Variants in MTA3 observed in about 807,000 individuals in gnomAD.
MTA3 encodes metastasis associated 1 family member 3.
Under a neutral mutation model 83.5 loss-of-function variants are expected in MTA3, and 34 were observed. The ratio of observed to expected loss-of-function variants is 0.41; its 90% CI spans 0.31 to 0.54. The LOEUF is 0.54. Ranked by LOEUF, MTA3 falls within the 20% of genes least tolerant of loss-of-function variation. The pLI is 0.33. For missense variants in MTA3, 761 were observed against 726.4 expected, an observed-to-expected ratio of 1.05 and a Z score of -0.55; for synonymous variants, 303 against 252.7, an observed-to-expected ratio of 1.20 and a Z score of -1.89.
At chr2:42,711,974 G>T (rs534643053) in intron 14 of MTA3, among the ~76,000 whole-genome samples, 2 of 152,102 alleles carry the variant, frequency 1.3e-5, no homozygotes, top group East Asian at 3.9e-4. Context: ...TCTAATTAAT[G>T]CATTTTAGAA....
intron 16 of MTA3, among the ~76,000 whole-genome samples, chr2:42,747,548 A>G (rs1348463165): frequency 6.6e-6 from 1 of 151,506 alleles, no homozygotes; most frequent in East Asian, 2.0e-4. Flanking sequence ...CTGTTTTCTG[A>G]GGCCTGCTCT....
intron 2 of MTA3, among the ~76,000 whole-genome samples, chr2:42,544,423 G>A (rs1046265360): frequency 9.3e-5 from 14 of 150,662 alleles, no homozygotes; most frequent in African/African-American, 3.2e-4. Context: ...TCTGTTGCCA[G>A]CTTGGGCAAC....
chr2:42,640,153 C>G lies in MTA3; in HGVS notation c.318-20C>G. ...TGAGGTGGCCTTTGTTACATTTATTCTTTTTTTCTTTTTCAACAGGGGAAA... is the reference window on the plus strand; with the variant it reads ...TGAGGTGGCCTTTGTTACATTTATTGTTTTTTTCTTTTTCAACAGGGGAAA... On this transcript the variant is annotated intron_variant, in intron 4 of 16. Transcript: ENST00000405094. The G allele has an allele frequency of 1.3e-6, 2 of 1,578,446 alleles. No homozygotes were observed. The highest frequency in any genetic ancestry group is 2.3e-5 in the South Asian group (2 of 86,676).
chr2:42,682,327 A>G, intron 8 of MTA3, 74 bp from the exon 9 acceptor site: 3 of 1,059,068 alleles, frequency 2.8e-6, no homozygotes, highest in Middle Eastern at 2.6e-4. Flanking sequence ...CATATATTTT[A>G]GTGTTTATAT....
At chr2:42,503,929 T>TTTG (rs1270160330) in intron 2 of MTA3, among the ~76,000 whole-genome samples, 1 of 146,218 alleles carries the variant, frequency 6.8e-6, no homozygotes, top group Non-Finnish European at 1.5e-5. Context: ...TTCTTTTTTT[T>TTTG]TTTTTTTTTT....
chr2:42,608,673 A>G (rs1259214811), intron 3 of MTA3, among the ~76,000 whole-genome samples: 2 of 152,204 alleles, frequency 1.3e-5, no homozygotes, highest in Admixed American at 1.3e-4. Flanking sequence ...ACTTGAGCCC[A>G]GGAGTTCGAG....
At chr2:42,585,594 C>A (rs1400879409) in intron 3 of MTA3, among the ~76,000 whole-genome samples, 1 of 151,566 alleles carries the variant, frequency 6.6e-6, no homozygotes, top group African/African-American at 2.4e-5. Context: ...CCTGCCTCAG[C>A]CTTCTGAGTA....
intron 16 of MTA3, among the ~76,000 whole-genome samples, chr2:42,730,787 C>T (rs1397670224): frequency 2.0e-5 from 3 of 152,026 alleles, no homozygotes; most frequent in African/African-American, 7.2e-5. Flanking sequence ...GGTTTTAGTT[C>T]TTCTTTAAAT....
At chr2:42,675,118 A>G (rs1191310397) in intron 8 of MTA3, among the ~76,000 whole-genome samples, 1 of 151,456 alleles carries the variant, frequency 6.6e-6, no homozygotes, top group East Asian at 1.9e-4. Flanking sequence ...TTAGTTTCAA[A>G]ATTCCTTTTC....
intron 16 of MTA3, among the ~76,000 whole-genome samples, chr2:42,728,701 A>G (rs1667996478): frequency 1.3e-5 from 2 of 152,180 alleles, no homozygotes; most frequent in African/African-American, 2.4e-5. Context: ...CATTTCTCTG[A>G]TGATCATTGG....
upstream of MTA3, among the ~76,000 whole-genome samples, chr2:42,566,017 A>T (rs913664175): frequency 2.3e-4 from 35 of 151,788 alleles, no homozygotes; most frequent in African/African-American, 6.5e-4. Flanking sequence ...CTCAAAAAAA[A>T]TTTTTTTTTC....
At chr2:42,560,197 T>C (rs1226110783) in intron 2 of MTA3, among the ~76,000 whole-genome samples, 2 of 152,090 alleles carry the variant, frequency 1.3e-5, no homozygotes, top group East Asian at 1.9e-4. Context: ...TAATTTTGTA[T>C]TTTTAGTAGA....
intron 5 of MTA3, among the ~76,000 whole-genome samples, chr2:42,641,008 G>C (rs373452330): frequency 4.6e-5 from 7 of 152,212 alleles, no homozygotes; most frequent in African/African-American, 1.7e-4. Flanking sequence ...CCGGGTTCAA[G>C]CAATTCTCAT....
At chr2:42,710,537 G>A (rs1461611647) in intron 14 of MTA3, among the ~76,000 whole-genome samples, 1 of 98,816 alleles carries the variant, frequency 1.0e-5, no homozygotes, top group South Asian at 3.5e-4. Context: ...GGCAATGAGC[G>A]AAACTTCATC....
intron 2 of MTA3, among the ~76,000 whole-genome samples, chr2:42,506,973 G>C (rs1674660765): frequency 6.6e-6 from 1 of 152,098 alleles, no homozygotes. Context: ...TGCAATTATA[G>C]GTCACTGTTA....
At chr2:42,523,900 G>C (rs901412257) in intron 2 of MTA3, among the ~76,000 whole-genome samples, 11 of 152,056 alleles carry the variant, frequency 7.2e-5, no homozygotes, top group African/African-American at 2.7e-4. Flanking sequence ...CTGGGTGAAA[G>C]AGCCAGACCC....
At chr2:42,504,934 G>A (rs1027772554) in intron 2 of MTA3, among the ~76,000 whole-genome samples, 1 of 152,080 alleles carries the variant, frequency 6.6e-6, no homozygotes. Context: ...CCTCACTCCA[G>A]TCATGCTGCC....
intron 2 of MTA3, among the ~76,000 whole-genome samples, chr2:42,545,553 G>A (rs1676724170): frequency 6.6e-6 from 1 of 152,134 alleles, no homozygotes; most frequent in African/African-American, 2.4e-5. Context: ...TTAAAAATGT[G>A]TGAGTGTTTC....
intron 16 of MTA3, among the ~76,000 whole-genome samples, chr2:42,746,794 C>T (rs375079695): frequency 6.6e-6 from 1 of 152,260 alleles, no homozygotes; most frequent in Non-Finnish European, 1.5e-5. Flanking sequence ...CTTCCATGCC[C>T]TCCCTGGGCA....
Sources: gnomAD v4.1 joint callset for allele counts (sites outside exome capture counted in the v4.1 genomes callset) on GRCh38, gnomAD v4.1.1 for gene constraint, MANE v1.5 for transcripts, NCBI Gene and HGNC (gene_info 2026-07-23, HGNC 2026-07-21) for gene names.